Variants in NDST3 observed in about 807,000 individuals in gnomAD.
NDST3 encodes the protein bifunctional heparan sulfate N-deacetylase/N-sulfotransferase 3.
Under a neutral mutation model 96.1 loss-of-function variants are expected in NDST3, and 58 were observed. That is an observed-to-expected ratio of 0.60 (90% CI 0.49 to 0.75). The LOEUF (loss-of-function observed/expected upper bound fraction) is 0.75, where lower values mean the gene tolerates loss of function less well. Ranked by LOEUF, NDST3 falls within the 30% of genes least tolerant of loss-of-function variation. NDST3 has a pLI of 0.00. For missense variants in NDST3, 788 were observed against 1,034.2 expected (o/e 0.76, Z 3.27); for synonymous variants, 333 against 359.7 (o/e 0.93, Z 0.84).
chr4:118,205,410 G>A (rs991751598), intron 6 of NDST3, among the ~76,000 whole-genome samples: 2 of 144,456 alleles, frequency 1.4e-5, no homozygotes, highest in Non-Finnish European at 3.1e-5. Context: ...CCTATATACA[G>A]TAAACCTTTC....
In NDST3 at chr4:118,089,265, A is replaced by G. The variant is rs190456410; in HGVS notation, c.982-15753A>G. Among the ~76,000 whole-genome samples the G allele has an allele frequency of 7.2e-5, 11 of 152,110 alleles. No individual in the cohort carries two copies. The East Asian group carries it at 2.1e-3, about 29-fold the overall frequency. On this transcript the variant is annotated intron_variant, in intron 2 of 13. Transcript: ENST00000296499. The stretch of plus-strand genomic sequence containing the variant: ...ATTATGTTCTCCATGGTATGCAGAC[A>G]GTAATGTAGAACTTAAGGGGTTTAT...
At chr4:118,112,812 TCTCA>T (rs1465271906) in intron 3 of NDST3, among the ~76,000 whole-genome samples, 1 of 152,134 alleles carries the variant, frequency 6.6e-6, no homozygotes, top group Non-Finnish European at 1.5e-5. Flanking sequence ...TTCTTGCCTT[TCTCA>T]CTATGAAGCT....
In NDST3 at chr4:118,152,772, G is replaced by T. The variant is rs141202119; in HGVS notation, c.1539+9088G>T. 5.7e-3 allele frequency among the ~76,000 whole-genome samples: 869 copies of T among 152,250 alleles called. 11 individuals carry two copies. Among genetic ancestry groups the T allele is most frequent in the African/African-American group, 0.02 (835 of 41,554 alleles). On this transcript the variant is annotated intron_variant, in intron 6 of 13. Coordinates refer to ENST00000296499, the MANE Select transcript of NDST3 (RefSeq NM_004784.3). ...CTGCTTGTTTACGGTTTCTGCAGTA[G>T]TTAATTAATCTTACAAATGGCCCAA...
At chr4:118,166,520 A>G (rs1041861016) in intron 6 of NDST3, among the ~76,000 whole-genome samples, 36 of 152,106 alleles carry the variant, frequency 2.4e-4, no homozygotes, top group African/African-American at 7.2e-4. Context: ...AAAAAACGGA[A>G]TAGAAGGGAA....
At chr4:118,236,993 C>T in intron 9 of NDST3, 53 bp from the exon 10 acceptor site, 1 of 1,354,642 alleles carries the variant, frequency 7.4e-7, no homozygotes, top group Non-Finnish European at 9.9e-7. Flanking sequence ...TCTTTGGTCA[C>T]CAGAATGAGT....
intron 4 of NDST3, among the ~76,000 whole-genome samples, chr4:118,134,618 C>G (rs1732922708): frequency 6.6e-6 from 1 of 152,162 alleles, no homozygotes; most frequent in Non-Finnish European, 1.5e-5. Context: ...AACTATCTAT[C>G]TTTCAACACA....
intron 6 of NDST3, among the ~76,000 whole-genome samples, chr4:118,203,491 G>A (rs1182568721): frequency 3.3e-5 from 5 of 152,114 alleles, no homozygotes; most frequent in East Asian, 1.9e-4. Flanking sequence ...TTCAGAAGTC[G>A]ATAGTGGTCT....
At chr4:118,122,697 A>G (rs1050714756) in intron 4 of NDST3, among the ~76,000 whole-genome samples, 3 of 152,176 alleles carry the variant, frequency 2.0e-5, no homozygotes, top group African/African-American at 7.2e-5. Context: ...TTTCCGCTGC[A>G]TGAAACAGAA....
chr4:118,163,177 G>A (rs1215326124), intron 6 of NDST3, among the ~76,000 whole-genome samples: 2 of 152,178 alleles, frequency 1.3e-5, no homozygotes, highest in Non-Finnish European at 2.9e-5. Flanking sequence ...TTCAACCATT[G>A]TGGAAGTCAA....
chr4:118,140,364 T>C (rs1326542524), intron 5 of NDST3, among the ~76,000 whole-genome samples: 1 of 152,178 alleles, frequency 6.6e-6, no homozygotes, highest in Non-Finnish European at 1.5e-5. Context: ...CATTTTGTAT[T>C]TTCATCAGGA....
At chr4:118,175,962 T>C (rs1736254500) in intron 6 of NDST3, among the ~76,000 whole-genome samples, 1 of 152,114 alleles carries the variant, frequency 6.6e-6, no homozygotes, top group Non-Finnish European at 1.5e-5. Flanking sequence ...TGGTCTGTGC[T>C]ATCCTTACTC....
intron 9 of NDST3, among the ~76,000 whole-genome samples, chr4:118,236,525 A>G (rs1048715533): frequency 1.3e-5 from 2 of 152,268 alleles, no homozygotes; most frequent in African/African-American, 4.8e-5. Context: ...AGCAATATTT[A>G]TACCAGATAT....
intron 12 of NDST3, among the ~76,000 whole-genome samples, chr4:118,245,970 T>C (rs1324897581): frequency 2.0e-5 from 3 of 152,156 alleles, no homozygotes; most frequent in African/African-American, 7.2e-5. Flanking sequence ...AAGCTCTTCA[T>C]ATTGGCACAG....
intron 1 of NDST3, among the ~76,000 whole-genome samples, chr4:118,037,517 T>C (rs1242676532): frequency 6.6e-6 from 1 of 152,222 alleles, no homozygotes; most frequent in Non-Finnish European, 1.5e-5. Context: ...TTAACCGTTA[T>C]ACTACATTGT....
At chr4:118,235,048 G>GAAGGAAGGAAGGAAA (rs1553948151) in intron 9 of NDST3, among the ~76,000 whole-genome samples, 1 of 127,722 alleles carries the variant, frequency 7.8e-6, no homozygotes, top group East Asian at 2.1e-4. Flanking sequence ...GAAAAAAAAA[G>GAAGGAAGGAAGGAAA]GAAGGAAGGA....
intron 6 of NDST3, among the ~76,000 whole-genome samples, chr4:118,173,736 TA>T (rs1210230582): frequency 4.6e-5 from 7 of 152,270 alleles, no homozygotes; most frequent in Admixed American, 1.3e-4. Flanking sequence ...GTATATGTAT[TA>T]GGGGGAATGT....
At chr4:118,247,693 T>C (rs866675809) in intron 12 of NDST3, among the ~76,000 whole-genome samples, 32 of 152,322 alleles carry the variant, frequency 2.1e-4, no homozygotes, top group Non-Finnish European at 1.2e-4. Context: ...GTGATAATTG[T>C]ACAACTATAT....
intron 8 of NDST3, among the ~76,000 whole-genome samples, chr4:118,229,226 G>C (rs1283996582): frequency 1.3e-5 from 2 of 152,160 alleles, no homozygotes; most frequent in Non-Finnish European, 2.9e-5. Context: ...GCTTGAACCT[G>C]GGAGGCAGAT....
intron 9 of NDST3, 59 bp downstream of exon 9, chr4:118,233,194 A>G: frequency 7.6e-7 from 1 of 1,320,274 alleles, no homozygotes; most frequent in Non-Finnish European, 1.0e-6. Flanking sequence ...GTATAAACTT[A>G]GCACTAATAT....
Sources: gnomAD v4.1 joint callset for allele counts (sites outside exome capture counted in the v4.1 genomes callset) on GRCh38, gnomAD v4.1.1 for gene constraint, MANE v1.5 for transcripts, NCBI Gene and HGNC (gene_info 2026-07-23, HGNC 2026-07-21) for gene names.